The following RORB variants were observed in gnomAD, a reference collection of about 807,000 sequenced individuals.
RORB encodes the protein nuclear receptor ROR-beta.
Under a neutral mutation model 59.1 loss-of-function variants are expected in RORB, and 6 were observed. That is an observed-to-expected ratio of 0.10 (90% confidence interval 0.06 to 0.20). The LOEUF (loss-of-function observed/expected upper bound fraction) is 0.20, where lower values mean the gene tolerates loss of function less well. Among genes scored for constraint, RORB ranks in the 10% least tolerant of loss-of-function variants. RORB has a pLI of 1.00. For missense variants in RORB, 320 were observed against 560.5 expected, an observed-to-expected ratio of 0.57 and a Z score of 4.33; for synonymous variants, 215 against 204.5, an observed-to-expected ratio of 1.05 and a Z score of -0.44.
intron 1 of RORB, among the ~76,000 whole-genome samples, chr9:74,597,054 A>G (rs1296858228): frequency 6.6e-6 from 1 of 152,232 alleles, no homozygotes; most frequent in African/African-American, 2.4e-5. Flanking sequence ...GTTCTCAAAG[A>G]TCACTGGGAC....
Position 74,497,590 on chromosome 9 carries a change from T to C in RORB, c.-387T>C, listed in dbSNP as rs1825729672. ...CCTTCCTCCTCCTCCTCAGTCCAAGTGATCACAAAAGAAATCTTCTGAGCC... is the reference window on the plus strand; with the variant it reads ...CCTTCCTCCTCCTCCTCAGTCCAAGCGATCACAAAAGAAATCTTCTGAGCC... On this transcript the variant is annotated 5_prime_UTR_variant, in exon 1 of 10. Coordinates refer to ENST00000376896, the MANE Select transcript of RORB (RefSeq NM_006914.4). 2 of 275,152 alleles carry C rather than the reference T, an allele frequency of 7.3e-6. No individual in the cohort carries two copies. Among genetic ancestry groups the C allele is most frequent in the South Asian group, 1.8e-4 (2 of 10,966 alleles). 17.0% of individuals were successfully genotyped at this position (275,152 alleles called of 1,614,324 possible).
intron 1 of RORB, among the ~76,000 whole-genome samples, chr9:74,530,193 C>T (rs1290310898): frequency 6.6e-6 from 1 of 152,012 alleles, no homozygotes; most frequent in East Asian, 1.9e-4. Context: ...TGTATTCCCT[C>T]TTAGATTTTG....
intron 2 of RORB, among the ~76,000 whole-genome samples, chr9:74,633,044 C>T (rs1415146842): frequency 1.3e-5 from 2 of 152,142 alleles, no homozygotes; most frequent in East Asian, 1.9e-4. Context: ...AGGAGATGCT[C>T]GGCCACACCT....
rs182159364 is a variant in RORB, at chr9:74,598,742, G to A, written c.8-31540G>A. Among the ~76,000 whole-genome samples the A allele has an allele frequency of 8.0e-3, 1,218 of 152,234 alleles. 10 individuals carry two copies. Among genetic ancestry groups the A allele is most frequent in the Non-Finnish European group, 0.013 (888 of 68,018 alleles). ...CCTATCTAATTGACTGTCCTGTTTAGTGTCACTACGACAGAATACCTGAGG... is the reference window on the plus strand; with the variant it reads ...CCTATCTAATTGACTGTCCTGTTTAATGTCACTACGACAGAATACCTGAGG... On this transcript the variant is annotated intron_variant, in intron 1 of 9. Transcript: ENST00000376896.
chr9:74,690,641 C>T lies in RORB; in HGVS notation c.*5023C>T, dbSNP rs1046457151. On this transcript the variant is annotated 3_prime_UTR_variant, in exon 10 of 10. Transcript: ENST00000376896. Reference sequence around the variant, plus strand: ...CTGCAGCAAGTCTGGTCAGATTCAACCCTGGACGATATTAGAATGATATTA... The same window carrying T: ...CTGCAGCAAGTCTGGTCAGATTCAATCCTGGACGATATTAGAATGATATTA... 1.3e-5 allele frequency: 2 copies of T among 152,126 alleles called. No homozygotes were observed. Among genetic ancestry groups the T allele is most frequent in the Admixed American group, 6.5e-5 (1 of 15,268 alleles). 9.4% of individuals were successfully genotyped at this position (152,126 alleles called of 1,614,324 possible).
intron 1 of RORB, among the ~76,000 whole-genome samples, chr9:74,585,299 C>G (rs1294616325): frequency 1.3e-5 from 2 of 152,178 alleles, no homozygotes; most frequent in Non-Finnish European, 2.9e-5. Context: ...GGGAACTACT[C>G]TCCCTAGCAT....
chr9:74,523,321 T>C (rs1826109199), intron 1 of RORB, among the ~76,000 whole-genome samples: 1 of 151,752 alleles, frequency 6.6e-6, no homozygotes, highest in African/African-American at 2.4e-5. Context: ...TTTCCATTTA[T>C]TTTCAAAGCA....
At chr9:74,629,716 T>C (rs1823584409) in intron 1 of RORB, among the ~76,000 whole-genome samples, 3 of 152,188 alleles carry the variant, frequency 2.0e-5, no homozygotes, top group Admixed American at 6.5e-5. Flanking sequence ...CCTCCATCAA[T>C]ATCCTTTATT....
In RORB at chr9:74,687,245, T is replaced by C. The variant is rs1824662937; in HGVS notation, c.*1627T>C. 1 of 152,062 alleles carries C rather than the reference T, an allele frequency of 6.6e-6. No homozygotes were observed. Among genetic ancestry groups the C allele is most frequent in the Non-Finnish European group, 1.5e-5 (1 of 67,988 alleles). 9.4% of individuals were successfully genotyped at this position (152,062 alleles called of 1,614,324 possible). On this transcript the variant is annotated 3_prime_UTR_variant, in exon 10 of 10. Coordinates refer to ENST00000376896, the MANE Select transcript of RORB (RefSeq NM_006914.4). The stretch of plus-strand genomic sequence containing the variant: ...AGACAATGAAAATTATGGTCTCCTG[T>C]AAGTATATCCCAGCCACCAACTCCT...
At chr9:74,652,519 A>T (rs1824010998) in intron 4 of RORB, among the ~76,000 whole-genome samples, 2 of 152,286 alleles carry the variant, frequency 1.3e-5, no homozygotes, top group Admixed American at 1.3e-4. Context: ...ACTTGCATTA[A>T]TCTGATTTTT....
rs182612308 is a variant in RORB, at chr9:74,546,963, G to A, written c.7+48980G>A. Among the ~76,000 whole-genome samples, 21 of 152,192 alleles carry A rather than the reference G, an allele frequency of 1.4e-4. No individual in the cohort carries two copies. In the East Asian group the frequency reaches 1.5e-3, roughly 11 times the overall value. On this transcript the variant is annotated intron_variant, in intron 1 of 9. Coordinates refer to ENST00000376896, the MANE Select transcript of RORB (RefSeq NM_006914.4). ...CAAAAAATTAGCCAGGCATGGTGGC[G>A]CGTGCCTGTAGTCCCAGCTACTCGG...
At chr9:74,535,373 T>A (rs7873840) in intron 1 of RORB, among the ~76,000 whole-genome samples, 1 of 151,758 alleles carries the variant, frequency 6.6e-6, no homozygotes, top group East Asian at 1.9e-4. Flanking sequence ...ATCAAGGGAA[T>A]GCCTGGCTAA....
chr9:74,519,014 G>A (rs1019943092), intron 1 of RORB, among the ~76,000 whole-genome samples: 2 of 151,902 alleles, frequency 1.3e-5, no homozygotes, highest in African/African-American at 4.8e-5. Context: ...GAGTATGGCT[G>A]TTCTTGAATG....
Position 74,685,547 on chromosome 9 carries a change from A to G in RORB, c.1309A>G (p.Ile437Val), listed in dbSNP as rs143063509. Residue 437 changes from isoleucine (I) to valine (V), a missense_variant, in exon 10 of 10, where the codon ATA (isoleucine) becomes GTA (valine). This residue lies in a region of RORB where 109 missense variants were observed against 171.0 expected (regional missense o/e 0.64). Transcript: ENST00000376896. ...LQVFKQSHPE[I>V]VNTLFPPLYK... ...GGTATTTAAGCAATCTCATCCAGAGATAGTGAATACACTGTTTCCTCCGTT... is the reference window on the plus strand; with the variant it reads ...GGTATTTAAGCAATCTCATCCAGAGGTAGTGAATACACTGTTTCCTCCGTT... 1.7e-5 allele frequency: 28 copies of G among 1,613,348 alleles called. No homozygotes were observed. Among genetic ancestry groups the G allele is most frequent in the African/African-American group, 2.7e-5 (2 of 74,920 alleles).
At chr9:74,537,733 C>T (rs1563931306) in intron 1 of RORB, among the ~76,000 whole-genome samples, 1 of 152,022 alleles carries the variant, frequency 6.6e-6, no homozygotes, top group Non-Finnish European at 1.5e-5. Context: ...ATACATAATA[C>T]AGTCATGTGC....
intron 9 of RORB, among the ~76,000 whole-genome samples, chr9:74,682,648 A>ATG (rs1824566017): frequency 6.6e-6 from 1 of 152,206 alleles, no homozygotes; most frequent in Non-Finnish European, 1.5e-5. Context: ...CTCTGAGCAC[A>ATG]TGGAACCTTT....
chr9:74,499,060 A>C (rs1222237977), intron 1 of RORB: 5 of 152,488 alleles, frequency 3.3e-5, no homozygotes, highest in African/African-American at 9.7e-5. Context: ...TCCGCTTGAC[A>C]TGGGGATCTG....
chr9:74,543,192 T>C (rs1329208807), intron 1 of RORB, among the ~76,000 whole-genome samples: 2 of 152,160 alleles, frequency 1.3e-5, no homozygotes, highest in African/African-American at 2.4e-5. Context: ...ATCACACCAA[T>C]GAGCTTGGTA....
chr9:74,519,078 C>T (rs1826049588), intron 1 of RORB, among the ~76,000 whole-genome samples: 1 of 151,856 alleles, frequency 6.6e-6, no homozygotes, highest in Non-Finnish European at 1.5e-5. Context: ...ATTTATACCC[C>T]AGTAAATGAG....
Sources: gnomAD v4.1 joint callset for allele counts (sites outside exome capture counted in the v4.1 genomes callset) on GRCh38, gnomAD v4.1.1 for gene constraint, gnomAD v4.1.1 regional missense constraint, MANE v1.5 for transcripts, NCBI Gene and HGNC (gene_info 2026-07-23, HGNC 2026-07-21) for gene names.